The following MROH1 variants were observed in gnomAD, a reference collection of about 807,000 sequenced individuals.
MROH1 encodes the protein maestro heat like repeat family member 1.
Under a neutral mutation model 116.5 loss-of-function variants are expected in MROH1, and 117 were observed. That is an observed-to-expected ratio of 1.00 (90% CI 0.86 to 1.17). The LOEUF is 1.17. Among genes scored for constraint, MROH1 ranks in the 50% most tolerant of loss-of-function variants. MROH1 has a pLI of 0.00. For missense variants in MROH1, 1,873 were observed against 1,338.5 expected, an observed-to-expected ratio of 1.40 and a Z score of -6.23; for synonymous variants, 921 against 583.9, an observed-to-expected ratio of 1.58 and a Z score of -8.32.
chr8:144,148,262 G>C (rs1474905287), intron 1 of MROH1, among the ~76,000 whole-genome samples, 186 bp downstream of exon 1: 1 of 152,184 alleles, frequency 6.6e-6, no homozygotes, highest in Non-Finnish European at 1.5e-5. Flanking sequence ...CCTCGGCTCA[G>C]GTGTGCGCCG....
At chr8:144,156,002 G>A (rs1038479665) in intron 1 of MROH1, among the ~76,000 whole-genome samples, 1 of 151,826 alleles carries the variant, frequency 6.6e-6, no homozygotes, top group Non-Finnish European at 1.5e-5. Context: ...ATGTTGGGAG[G>A]CCGAGGCGGG....
intron 35 of MROH1, among the ~76,000 whole-genome samples, chr8:144,256,905 C>A (rs1336447313): frequency 6.6e-6 from 1 of 152,264 alleles, no homozygotes; most frequent in African/African-American, 2.4e-5. Context: ...CCAGATGGGG[C>A]CTTGCAGGGC....
chr8:144,183,586 G>A (rs569873348), intron 7 of MROH1, among the ~76,000 whole-genome samples: 13 of 151,776 alleles, frequency 8.6e-5, no homozygotes, highest in Non-Finnish European at 1.6e-4. Flanking sequence ...CTCTCCAGTG[G>A]CCCCTGGGCA....
At chr8:144,237,836 G>C (rs1840308048) in intron 14 of MROH1, among the ~76,000 whole-genome samples, 1 of 152,080 alleles carries the variant, frequency 6.6e-6, no homozygotes. Context: ...CACAGGCATT[G>C]TCCCCAGTCT....
At chr8:144,168,240 G>A (rs1258727301) in intron 3 of MROH1, 55 bp from the exon 4 acceptor site, 6 of 1,502,724 alleles carry the variant, frequency 4.0e-6, no homozygotes, top group South Asian at 1.3e-5. Context: ...CAGCCGAGGT[G>A]TGATAGGAGA....
chr8:144,247,747 G>A (rs994229179), intron 31 of MROH1, 68 bp downstream of exon 31: 4 of 704,938 alleles, frequency 5.7e-6, no homozygotes, highest in Non-Finnish European at 1.0e-5. Flanking sequence ...GGACTTCCGA[G>A]GTGGCACCTG....
intron 14 of MROH1, among the ~76,000 whole-genome samples, chr8:144,231,812 G>A (rs541805214): frequency 6.6e-6 from 1 of 152,314 alleles, no homozygotes; most frequent in South Asian, 2.1e-4. Flanking sequence ...CCTTCCACTT[G>A]GTTAAAATGC....
At position 144,245,179 on chromosome 8, in the gene MROH1, C is replaced by A; in HGVS notation, c.2790C>A (p.Ser930=). 1.3e-6 allele frequency: 1 copy of A among 779,274 alleles called. No homozygotes were observed. Among genetic ancestry groups the A allele is most frequent in the Non-Finnish European group, 2.4e-6 (1 of 417,788 alleles). 48.3% of individuals were successfully genotyped at this position (779,274 alleles called of 1,614,324 possible). A position where few individuals can be genotyped will look rare whatever the true frequency, so the allele number is the denominator to read the frequency against. The change falls in exon 29 of 44, where the codon TCC becomes TCA. Residue 930 remains serine (S), a synonymous_variant. Coordinates refer to ENST00000326134, the MANE Select transcript of MROH1 (RefSeq NM_032450.3). The part of the protein sequence containing the change: ...MIEHLSPWIK[S]PRGHERARAL... ...AGCACCTGAGCCCATGGATCAAGTCCCCAAGAGGTCACGAGCGGGCGCGGG... is the reference window on the plus strand; with the variant it reads ...AGCACCTGAGCCCATGGATCAAGTCACCAAGAGGTCACGAGCGGGCGCGGG...
intron 19 of MROH1, 113 bp from the exon 20 acceptor site, chr8:144,240,457 C>T (rs1840776259): frequency 1.4e-6 from 1 of 700,738 alleles, no homozygotes; most frequent in African/African-American, 1.7e-5. Context: ...CCGGCCTCCG[C>T]TGGAAGGCGG....
Position 144,238,868 on chromosome 8 carries a change from G to C in MROH1, c.1446+5G>C. 1 of 772,848 alleles carries C rather than the reference G, an allele frequency of 1.3e-6. No homozygotes were observed. Among genetic ancestry groups the C allele is most frequent in the Non-Finnish European group, 2.4e-6 (1 of 417,920 alleles). The allele number at this position is 772,848 out of a possible 1,614,324, so 47.9% of individuals were successfully genotyped here. ...ACCGTGGACAGGATGAGTCACGTGA[G>C]TGCACGGCACCCGTCCCTGCCTGGC... is the stretch of plus-strand genomic sequence containing the variant. On this transcript the variant is annotated splice_donor_5th_base_variant and intron_variant, in intron 15 of 43. Coordinates refer to ENST00000326134, the MANE Select transcript of MROH1 (RefSeq NM_032450.3).
intron 12 of MROH1, among the ~76,000 whole-genome samples, chr8:144,206,425 C>CTTTT (rs1054589954): frequency 7.3e-6 from 1 of 137,604 alleles, no homozygotes; most frequent in Non-Finnish European, 1.6e-5. Flanking sequence ...TGTTCATGTT[C>CTTTT]TTTTTTTTTT....
rs377189742 is a variant in MROH1, at chr8:144,180,351, C to A, written c.463+11C>A. ...TCTCGGTGGCCAACGGTAGGTGACG[C>A]GCGGCCTGCCCCAGGAGGAGCACGG... On this transcript the variant is annotated intron_variant, in intron 6 of 43. Transcript: ENST00000326134. The surrounding 1 kb of genome is among the most constrained non-coding windows in gnomAD (Gnocchi z 7.4). 19 of 1,606,290 alleles carry A rather than the reference C, an allele frequency of 1.2e-5. No individual in the cohort carries two copies. The highest frequency in any genetic ancestry group is 1.6e-5 in the Non-Finnish European group (19 of 1,178,546).
In MROH1 at chr8:144,180,677, G is replaced by T. The variant is rs1248035841; in HGVS notation, c.562+154G>T. On this transcript the variant is annotated intron_variant, in intron 7 of 43. Transcript: ENST00000326134. This position sits in a 1 kb window ranked among gnomAD's most constrained non-coding sequence, Gnocchi z 7.4. The stretch of plus-strand genomic sequence containing the variant: ...GCCCCCTGGCTGAGGCTGCTGGCTG[G>T]TTGGGGGGCCCATGTGGGGCTGACA... Among the ~76,000 whole-genome samples the T allele has an allele frequency of 6.6e-6, 1 of 152,152 alleles. No homozygotes were observed. The highest frequency in any genetic ancestry group is 6.5e-5 in the Admixed American group (1 of 15,286).
intron 1 of MROH1, among the ~76,000 whole-genome samples, chr8:144,156,903 C>T (rs1323054925): frequency 1.3e-5 from 2 of 150,676 alleles, no homozygotes; most frequent in Admixed American, 1.3e-4. Context: ...TTGCCTCAGC[C>T]TCCTGAGTAG....
At chr8:144,230,842 G>A (rs1347873563) in intron 14 of MROH1, among the ~76,000 whole-genome samples, 1 of 137,948 alleles carries the variant, frequency 7.2e-6, no homozygotes, top group African/African-American at 2.8e-5. Context: ...ATCATTCTTG[G>A]GTGTTTCTCG....
At chr8:144,206,131 C>A (rs547270160) in intron 12 of MROH1, among the ~76,000 whole-genome samples, 1 of 152,310 alleles carries the variant, frequency 6.6e-6, no homozygotes, top group South Asian at 2.1e-4. Context: ...CTCACTGCAG[C>A]CTTGACCTCA....
Position 144,261,638 on chromosome 8 carries a change from C to G in MROH1, c.4841-17C>G. 1 of 707,876 alleles carries G rather than the reference C, an allele frequency of 1.4e-6. No homozygotes were observed. Among genetic ancestry groups the G allele is most frequent in the Non-Finnish European group, 2.6e-6 (1 of 388,586 alleles). 43.8% of individuals were successfully genotyped at this position (707,876 alleles called of 1,614,324 possible). ...CGAGGTCACAGCCCGCAGGCAGCCC[C>G]CCTCCTCTACCCCCAGCGCTCCAGA... On this transcript the variant is annotated splice_polypyrimidine_tract_variant and intron_variant, in intron 43 of 43. Coordinates refer to ENST00000326134, the MANE Select transcript of MROH1 (RefSeq NM_032450.3).
chr8:144,176,143 A>C (rs940244175), intron 4 of MROH1, among the ~76,000 whole-genome samples: 1 of 151,982 alleles, frequency 6.6e-6, no homozygotes, highest in African/African-American at 2.4e-5. Flanking sequence ...CGGGTGGATA[A>C]CTTGAGGCCA....
At chr8:144,192,273 G>A (rs773996638) in intron 9 of MROH1, 36 bp from the exon 10 acceptor site, 1 of 1,535,332 alleles carries the variant, frequency 6.5e-7, no homozygotes, top group Non-Finnish European at 8.8e-7. Flanking sequence ...GCGGCTGGAG[G>A]TAGGACTGAC....
Sources: gnomAD v4.1 joint callset for allele counts (sites outside exome capture counted in the v4.1 genomes callset) on GRCh38, gnomAD v4.1.1 for gene constraint, Gnocchi (gnomAD v3.1) non-coding constraint, MANE v1.5 for transcripts, NCBI Gene and HGNC (gene_info 2026-07-23, HGNC 2026-07-21) for gene names.